Variants in IFT140 observed in about 807,000 individuals in gnomAD.
The protein encoded by IFT140 is intraflagellar transport 140, also known as intraflagellar transport protein 140 homolog.
In IFT140, 133 loss-of-function variants were observed where a neutral mutation model predicts 164.6. The observed-to-expected ratio is 0.81, with a 90% CI of 0.70 to 0.93. IFT140 has a LOEUF of 0.93. IFT140 is among the 40% of genes least tolerant of loss of function. IFT140 has a pLI of 0.00. For missense variants in IFT140, 2,045 were observed against 1,972.3 expected (o/e 1.04, Z -0.70); for synonymous variants, 860 against 817.3 (o/e 1.05, Z -0.89).
intron 12 of IFT140, among the ~76,000 whole-genome samples, 175 bp downstream of exon 12, chr16:1,583,139 A>C (rs1403926396): frequency 1.3e-5 from 2 of 152,176 alleles, no homozygotes; most frequent in African/African-American, 2.4e-5. Flanking sequence ...CCCAGGATGC[A>C]CTGGCAGCAC....
At chr16:1,596,737 T>C (rs2141972073) in intron 4 of IFT140, among the ~76,000 whole-genome samples, 1 of 152,222 alleles carries the variant, frequency 6.6e-6, no homozygotes, top group East Asian at 1.9e-4. Flanking sequence ...GTACAAGACG[T>C]AGAACTGAGC....
At position 1,575,567 on chromosome 16, in the gene IFT140, T is replaced by A. The variant is rs528720752; in HGVS notation, c.1525-4033A>T. On this transcript the variant is annotated intron_variant, in intron 13 of 30. Coordinates refer to ENST00000426508, the MANE Select transcript of IFT140 (RefSeq NM_014714.4). Reference sequence around the variant, plus strand: ...CCCTGTTTCTGAAAATAAAATAAAATAAAAAATTAACAGAGGAATAAAAGG... The same window carrying A: ...CCCTGTTTCTGAAAATAAAATAAAAAAAAAAATTAACAGAGGAATAAAAGG... 1.7e-3 allele frequency among the ~76,000 whole-genome samples: 254 copies of A among 151,980 alleles called. 1 individual carries two copies. Among genetic ancestry groups the A allele is most frequent in the Non-Finnish European group, 3.4e-3 (229 of 67,938 alleles).
intron 4 of IFT140, among the ~76,000 whole-genome samples, chr16:1,599,212 G>A (rs1382665728): frequency 2.4e-5 from 2 of 82,986 alleles, no homozygotes; most frequent in East Asian, 4.4e-4. Context: ...GAGCCCCTCC[G>A]CCCGGCAGCT....
chr16:1,586,559 C>T (rs987879421), intron 9 of IFT140, among the ~76,000 whole-genome samples: 2 of 152,302 alleles, frequency 1.3e-5, no homozygotes, highest in South Asian at 2.1e-4. Flanking sequence ...ACTAGAGACG[C>T]GGCTCTGGCT....
At position 1,592,468 on chromosome 16, in the gene IFT140, C is replaced by A. The variant is rs559314300; in HGVS notation, c.490G>T (p.Glu164Ter). ...TCACAGGGCAAGCCCCACACTTACT[C>A]GCCAGGAGGGGGGAGCCGGAAGATG... is the stretch of plus-strand genomic sequence containing the variant. Reference protein sequence around the residue: ...HCIFRLPPPGEDLVQLAKAAV... With the variant: ...HCIFRLPPPG The change falls in exon 5 of 31, where the codon GAG becomes TAG. Residue 164 changes from glutamate to a stop codon, truncating the protein, a stop_gained and splice_region_variant. Transcript: ENST00000426508. LOFTEE classifies it high-confidence loss of function. The A allele has an allele frequency of 9.9e-6, 16 of 1,614,026 alleles. No individual in the cohort carries two copies. Among genetic ancestry groups the A allele is most frequent in the Non-Finnish European group, 1.4e-5 (16 of 1,179,932 alleles).
intron 19 of IFT140, among the ~76,000 whole-genome samples, chr16:1,528,202 C>T (rs2029933793): frequency 6.6e-6 from 1 of 152,190 alleles, no homozygotes; most frequent in Admixed American, 6.5e-5. Flanking sequence ...CAAGACACAG[C>T]TCAGTGTGGT....
rs768889794 is a variant in IFT140 at position 1,523,624 on chromosome 16, T to C, written c.3347A>G (p.Asp1116Gly). ...QFVALQLIAE[D>G]LDETSDPALL... Reference sequence around the variant, plus strand: ...CGCAGGGTCTGACGTCTCATCCAGGTCCTCTGCTATGAGCTGTAGGGCCAC... The same window carrying C: ...CGCAGGGTCTGACGTCTCATCCAGGCCCTCTGCTATGAGCTGTAGGGCCAC... The change falls in exon 26 of 31, where the codon GAC becomes GGC. Residue 1116 changes from aspartate (D) to glycine (G), a missense_variant. Coordinates refer to ENST00000426508, the MANE Select transcript of IFT140 (RefSeq NM_014714.4). 9 of 1,613,920 alleles carry C rather than the reference T, an allele frequency of 5.6e-6. No individual in the cohort carries two copies. The East Asian group carries it at 2.0e-4, about 36-fold the overall frequency.
intron 19 of IFT140, 135 bp from the exon 20 acceptor site, chr16:1,526,931 G>T: frequency 1.0e-6 from 1 of 978,576 alleles, no homozygotes; most frequent in Non-Finnish European, 1.5e-6. Flanking sequence ...TTCACCCATC[G>T]GCTCCGCCCC....
chr16:1,519,904 C>T lies in IFT140; in HGVS notation c.4017G>A (p.Val1339=). ...LAQLQSRMAL[V]KRFIQARRTY... ...ACCTGCGGGCCTGGATGAACCTCTT[C>T]ACCAGTGCCATCCTGCTCTGCAGCT... The change falls in exon 29 of 31, where the codon GTG becomes GTA. Residue 1339 remains valine, a synonymous_variant. Coordinates refer to ENST00000426508, the MANE Select transcript of IFT140 (RefSeq NM_014714.4). 1 of 1,570,814 alleles carries T rather than the reference C, an allele frequency of 6.4e-7. No homozygotes were observed. Among genetic ancestry groups the T allele is most frequent in the South Asian group, 1.2e-5 (1 of 84,210 alleles).
At chr16:1,540,654 C>CTGTGATGGA (rs1343001860) in intron 19 of IFT140, among the ~76,000 whole-genome samples, 1 of 152,238 alleles carries the variant, frequency 6.6e-6, no homozygotes, top group East Asian at 1.9e-4. Flanking sequence ...ATTCTGGTGT[C>CTGTGATGGA]TGTGATGGAT....
rs2034742246 is a variant in IFT140 at position 1,584,244 on chromosome 16, C to T, written c.1332G>A (p.Met444Ile). ...TGVAHSLRTDMHISGVFATKD... is the reference protein window; with the variant it reads ...TGVAHSLRTDIHISGVFATKD... ...TGGTGGCAAACACTCCACTGATGTG[C>T]ATGTCGGTGCGCAGGCTGTGTGCGA... is the stretch of plus-strand genomic sequence containing the variant. Residue 444 changes from methionine to isoleucine, a missense_variant, in exon 11 of 31, where the codon ATG becomes ATA. Coordinates refer to ENST00000426508, the MANE Select transcript of IFT140 (RefSeq NM_014714.4). 2 of 1,613,654 alleles carry T rather than the reference C, an allele frequency of 1.2e-6. No homozygotes were observed. Among genetic ancestry groups the T allele is most frequent in the East Asian group, 2.2e-5 (1 of 44,894 alleles).
intron 4 of IFT140, among the ~76,000 whole-genome samples, chr16:1,599,656 G>T (rs1596456175): frequency 1.5e-5 from 1 of 65,844 alleles, no homozygotes; most frequent in East Asian, 6.6e-4. Context: ...AGGTGGGGGG[G>T]GTCAGCCCCC....
intron 19 of IFT140, among the ~76,000 whole-genome samples, chr16:1,547,378 T>G (rs1485425076): frequency 6.6e-6 from 1 of 152,244 alleles, no homozygotes; most frequent in African/African-American, 2.4e-5. Context: ...CTGGAGACGC[T>G]GACTTTATCA....
chr16:1,538,068 C>A (rs2141260217), intron 19 of IFT140, among the ~76,000 whole-genome samples: 1 of 152,324 alleles, frequency 6.6e-6, no homozygotes, highest in East Asian at 1.9e-4. Context: ...ACCCCAGGAA[C>A]CCGTATAACA....
chr16:1,607,328 T>C (rs1260447139), intron 2 of IFT140, 31 bp from the exon 3 acceptor site: 6 of 1,542,100 alleles, frequency 3.9e-6, no homozygotes, highest in Middle Eastern at 1.9e-4. Flanking sequence ...CCAAGTCCAA[T>C]CAGTTTTAAA....
intron 26 of IFT140, among the ~76,000 whole-genome samples, chr16:1,521,522 G>A (rs2040526309): frequency 6.6e-6 from 1 of 152,050 alleles, no homozygotes; most frequent in African/African-American, 2.4e-5. Flanking sequence ...CCAAGTAGCT[G>A]GGATTACAGG....
At chr16:1,516,177 A>ACC (rs752259914) in intron 30 of IFT140, among the ~76,000 whole-genome samples, 44,189 of 115,126 alleles carry the variant, frequency 0.38, 13,186 homozygotes, top group African/African-American at 0.74. Context: ...AAAAAAAAAA[A>ACC]ACACCAGAAA....
At chr16:1,523,489 G>C in intron 26 of IFT140, 29 bp downstream of exon 26, 1 of 1,596,960 alleles carries the variant, frequency 6.3e-7, no homozygotes, top group Non-Finnish European at 8.5e-7. Context: ...CCTGCGTGGA[G>C]CCGAGCCCAG....
chr16:1,556,221 G>T (rs181671640), intron 19 of IFT140, among the ~76,000 whole-genome samples: 3 of 152,364 alleles, frequency 2.0e-5, no homozygotes, highest in Admixed American at 6.5e-5. Flanking sequence ...TCCTAAATCT[G>T]TTAAGAGAGG....
Sources: gnomAD v4.1 joint callset for allele counts (sites outside exome capture counted in the v4.1 genomes callset) on GRCh38, gnomAD v4.1.1 for gene constraint, MANE v1.5 for transcripts, NCBI Gene and HGNC (gene_info 2026-07-23, HGNC 2026-07-21) for gene names.